Variants in ZBTB20 observed in about 807,000 individuals in gnomAD.
ZBTB20 encodes zinc finger and BTB domain containing 20, also known as zinc finger and BTB domain-containing protein 20.
ZBTB20 carries 9 observed loss-of-function variants against 56.9 expected under a neutral mutation model. That is an observed-to-expected ratio of 0.16 (90% CI 0.10 to 0.28). ZBTB20 has a LOEUF of 0.28. Among genes scored for constraint, ZBTB20 ranks in the 10% least tolerant of loss-of-function variants. The pLI, the probability that ZBTB20 is intolerant of heterozygous loss-of-function variation, is 1.00. For synonymous variants in ZBTB20, 417 were observed against 420.7 expected (o/e 0.99, Z 0.11); for missense variants, 655 against 1,003.0 (o/e 0.65, Z 4.69).
chr3:114,654,278 T>G (rs1285971142), intron 6 of ZBTB20, among the ~76,000 whole-genome samples: 2 of 151,924 alleles, frequency 1.3e-5, no homozygotes, highest in Non-Finnish European at 2.9e-5. Flanking sequence ...TGGCTCATAT[T>G]ATAAATGTCA....
chr3:114,855,451 T>C (rs2075204778), intron 4 of ZBTB20, among the ~76,000 whole-genome samples: 1 of 152,162 alleles, frequency 6.6e-6, no homozygotes, highest in Non-Finnish European at 1.5e-5. Context: ...GGAAGAAACA[T>C]CTATTCATTT....
intron 1 of ZBTB20, among the ~76,000 whole-genome samples, chr3:115,127,686 A>C (rs1210956275): frequency 6.6e-6 from 1 of 152,212 alleles, no homozygotes; most frequent in Non-Finnish European, 1.5e-5. Context: ...TCAGTGATTC[A>C]AGAAATTCAG....
chr3:114,436,485 C>A (rs1335504027), intron 7 of ZBTB20, among the ~76,000 whole-genome samples: 1 of 152,146 alleles, frequency 6.6e-6, no homozygotes, highest in African/African-American at 2.4e-5. Context: ...GCAAAATGCC[C>A]AGAGTTCACA....
Position 114,338,885 on chromosome 3 carries a change from A to G in ZBTB20, c.*120T>C. Reference sequence around the variant, plus strand: ...GTACAAAATGAAACGAAACAAAAACAAAAACAGAAAGTAAAAATGAAACCA... The same window carrying G: ...GTACAAAATGAAACGAAACAAAAACGAAAACAGAAAGTAAAAATGAAACCA... On this transcript the variant is annotated 3_prime_UTR_variant, in exon 12 of 12. Coordinates refer to ENST00000675478, the MANE Select transcript of ZBTB20 (RefSeq NM_001348800.3). The G allele has an allele frequency of 7.9e-7, 1 of 1,262,674 alleles. No homozygotes were observed. Among genetic ancestry groups the G allele is most frequent in the South Asian group, 1.8e-5 (1 of 54,876 alleles). 78.2% of individuals were successfully genotyped at this position (1,262,674 alleles called of 1,614,324 possible).
At chr3:114,835,148 G>C (rs1392124130) in intron 4 of ZBTB20, among the ~76,000 whole-genome samples, 1 of 152,126 alleles carries the variant, frequency 6.6e-6, no homozygotes, top group East Asian at 1.9e-4. Flanking sequence ...CTTGCTAAAG[G>C]TTTCAGGAGG....
intron 5 of ZBTB20, among the ~76,000 whole-genome samples, chr3:114,771,803 T>C (rs998808542): frequency 6.6e-6 from 1 of 152,176 alleles, no homozygotes; most frequent in African/African-American, 2.4e-5. Context: ...TGACCTTATC[T>C]AAAGATGTAT....
At chr3:114,693,649 AAAT>A in intron 5 of ZBTB20, 74 bp from the exon 6 acceptor site, 1 of 152,248 alleles carries the variant, frequency 6.6e-6, no homozygotes, top group East Asian at 1.9e-4. Context: ...TAATCATAGA[AAAT>A]AACCCATTTA....
chr3:115,003,444 T>G (rs2079338099), intron 2 of ZBTB20, among the ~76,000 whole-genome samples: 1 of 151,592 alleles, frequency 6.6e-6, no homozygotes, highest in Non-Finnish European at 1.5e-5. Context: ...TTGTTTGTTT[T>G]TTGTAAACTT....
At chr3:114,466,864 C>T (rs574062912) in intron 7 of ZBTB20, among the ~76,000 whole-genome samples, 5 of 152,226 alleles carry the variant, frequency 3.3e-5, no homozygotes, top group South Asian at 2.1e-4. Flanking sequence ...AACTAAAACA[C>T]GATGCAAATA....
intron 6 of ZBTB20, among the ~76,000 whole-genome samples, chr3:114,618,599 T>A (rs2058098424): frequency 6.6e-6 from 1 of 152,140 alleles, no homozygotes; most frequent in Admixed American, 6.5e-5. Context: ...GGTGAATGAA[T>A]GAATTAATGT....
chr3:114,898,182 G>T (rs1434627010), intron 4 of ZBTB20, among the ~76,000 whole-genome samples: 3 of 152,078 alleles, frequency 2.0e-5, no homozygotes, highest in Non-Finnish European at 4.4e-5. Context: ...ATAGAGATAG[G>T]GAGGGAGAAG....
In ZBTB20 at chr3:114,600,478, T is replaced by C. The variant is rs139334467; in HGVS notation, c.-295+93050A>G. On this transcript the variant is annotated intron_variant, in intron 6 of 11. Coordinates refer to ENST00000675478, the MANE Select transcript of ZBTB20 (RefSeq NM_001348800.3). The stretch of plus-strand genomic sequence containing the variant: ...GTCTAGTGGAATTTATTTGCAATGA[T>C]GATACTTCACTTGAAGGCCTTATCC... Among the ~76,000 whole-genome samples the C allele has an allele frequency of 9.3e-3, 1,410 of 152,132 alleles. 28 individuals carry two copies. Among genetic ancestry groups the C allele is most frequent in the African/African-American group, 0.031 (1,284 of 41,526 alleles).
chr3:115,041,212 A>AAACTTCATAAAGTCATGTTATATTC (rs2081128805), intron 2 of ZBTB20, among the ~76,000 whole-genome samples: 1 of 152,168 alleles, frequency 6.6e-6, no homozygotes, highest in Non-Finnish European at 1.5e-5. Flanking sequence ...TAAAACACCT[A>AAACTTCATAAAGTCATGTTATATTC]AACTTCATAA....
intron 6 of ZBTB20, among the ~76,000 whole-genome samples, chr3:114,561,409 G>T (rs1179841933): frequency 6.6e-6 from 1 of 152,108 alleles, no homozygotes; most frequent in Non-Finnish European, 1.5e-5. Context: ...ATAGCCTTAT[G>T]AAATTTATTT....
chr3:114,558,460 T>C lies in ZBTB20; in HGVS notation c.-294-58069A>G, dbSNP rs112290779. On this transcript the variant is annotated intron_variant, in intron 6 of 11. Transcript: ENST00000675478. ...ACTTTTACGCCCCTAAATAGTCCTA[T>C]AAATGGCCAAAGACATAGGACATGC... is the stretch of plus-strand genomic sequence containing the variant. 8.5e-5 allele frequency among the ~76,000 whole-genome samples: 13 copies of C among 152,180 alleles called. No individual in the cohort carries two copies. The Middle Eastern group carries it at 0.01, about 119-fold the overall frequency.
At chr3:114,366,280 C>T (rs1320486540) in intron 10 of ZBTB20, among the ~76,000 whole-genome samples, 1 of 151,974 alleles carries the variant, frequency 6.6e-6, no homozygotes, top group African/African-American at 2.4e-5. Flanking sequence ...GTCCAGACTC[C>T]TTTAACTAAG....
rs1278001403 is a variant in ZBTB20 at position 114,382,947 on chromosome 3, T to G, written c.-153-2007A>C. On this transcript the variant is annotated intron_variant, in intron 8 of 11. Coordinates refer to ENST00000675478, the MANE Select transcript of ZBTB20 (RefSeq NM_001348800.3). ...TGGTTCCTTCCCTCCCAGAGTTTAC[T>G]GCCTTGTCTATACTATTAAGCAATG... Among the ~76,000 whole-genome samples, 3 of 152,260 alleles carry G rather than the reference T, an allele frequency of 2.0e-5. No individual in the cohort carries two copies. In the South Asian group the frequency reaches 6.2e-4, roughly 31 times the overall value.
intron 5 of ZBTB20, among the ~76,000 whole-genome samples, chr3:114,776,984 C>T (rs926186209): frequency 6.6e-6 from 1 of 152,100 alleles, no homozygotes; most frequent in Admixed American, 6.5e-5. Context: ...TGCTTACACA[C>T]ATAATGTATT....
intron 7 of ZBTB20, among the ~76,000 whole-genome samples, chr3:114,449,962 A>G (rs2091501381): frequency 6.6e-6 from 1 of 152,206 alleles, no homozygotes; most frequent in East Asian, 1.9e-4. Context: ...CGCTGCTCGT[A>G]TTAAGCTGAA....
Sources: gnomAD v4.1 joint callset for allele counts (sites outside exome capture counted in the v4.1 genomes callset) on GRCh38, gnomAD v4.1.1 for gene constraint, MANE v1.5 for transcripts, NCBI Gene and HGNC (gene_info 2026-07-23, HGNC 2026-07-21) for gene names.